SYN3: variants seen among roughly 807,000 people sequenced by gnomAD.
The protein encoded by SYN3 is synapsin-3.
A neutral mutation model predicts 65.8 loss-of-function variants in SYN3; 35 were observed. That is an observed-to-expected ratio of 0.53 (90% confidence interval 0.41 to 0.70). The LOEUF (loss-of-function observed/expected upper bound fraction) is 0.70, where lower values mean the gene tolerates loss of function less well. Among genes scored for constraint, SYN3 ranks in the 30% least tolerant of loss-of-function variants. SYN3 has a pLI of 0.00. For synonymous variants in SYN3, 270 were observed against 292.9 expected (o/e 0.92, Z 0.80); for missense variants, 680 against 749.0 (o/e 0.91, Z 1.08).
chr22:32,710,148 A>G (rs2147242530), intron 6 of SYN3, among the ~76,000 whole-genome samples: 1 of 149,352 alleles, frequency 6.7e-6, no homozygotes, highest in Non-Finnish European at 1.5e-5. Context: ...CTTTTCATAC[A>G]TATTTCCAGA....
chr22:32,768,072 T>C (rs2054245963), intron 6 of SYN3, among the ~76,000 whole-genome samples: 1 of 152,176 alleles, frequency 6.6e-6, no homozygotes, highest in African/African-American at 2.4e-5. Flanking sequence ...CAGTTACTCC[T>C]CTCTCTCCTT....
intron 6 of SYN3, among the ~76,000 whole-genome samples, chr22:32,804,254 A>G (rs1569237165): frequency 1.3e-5 from 2 of 152,314 alleles, no homozygotes; most frequent in South Asian, 4.1e-4. Flanking sequence ...AATGCTTTTA[A>G]AATGGGAGGT....
At chr22:32,532,429 G>A (rs2058091167) in intron 10 of SYN3, among the ~76,000 whole-genome samples, 1 of 152,302 alleles carries the variant, frequency 6.6e-6, no homozygotes, top group South Asian at 2.1e-4. Context: ...GCTCCTCCAA[G>A]TAGGGGCTAC....
At chr22:32,803,287 A>G (rs1051787750) in intron 6 of SYN3, among the ~76,000 whole-genome samples, 14 of 152,042 alleles carry the variant, frequency 9.2e-5, no homozygotes, top group African/African-American at 3.4e-4. Context: ...GAAATTTTCC[A>G]CTGAGTCTTG....
At chr22:32,697,588 T>A (rs1304943269) in intron 6 of SYN3, among the ~76,000 whole-genome samples, 1 of 152,182 alleles carries the variant, frequency 6.6e-6, no homozygotes, top group Admixed American at 6.5e-5. Flanking sequence ...TTGGCTAGGT[T>A]TACAAAAGTA....
At chr22:32,600,575 C>T (rs1423822028) in intron 6 of SYN3, among the ~76,000 whole-genome samples, 5 of 152,216 alleles carry the variant, frequency 3.3e-5, no homozygotes, top group Admixed American at 1.3e-4. Context: ...AGAGTTCCCC[C>T]AAGGGTGAAT....
intron 6 of SYN3, among the ~76,000 whole-genome samples, chr22:32,668,517 C>A (rs1404477232): frequency 1.3e-5 from 2 of 151,886 alleles, no homozygotes; most frequent in Admixed American, 1.3e-4. Flanking sequence ...CCTTTCCTTC[C>A]TTTCTCCTTC....
intron 6 of SYN3, among the ~76,000 whole-genome samples, chr22:32,704,596 T>A (rs1352700087): frequency 6.6e-6 from 1 of 152,216 alleles, no homozygotes; most frequent in African/African-American, 2.4e-5. Flanking sequence ...AATGGGATTG[T>A]GGGGTCAAAT....
intron 7 of SYN3, chr22:32,583,225 T>C (rs961250352): frequency 3.3e-5 from 5 of 152,264 alleles, no homozygotes; most frequent in African/African-American, 1.2e-4. Flanking sequence ...GCATCATCTG[T>C]GGTCTTCCTG....
At chr22:33,027,890 G>C (rs2145883288) in intron 1 of SYN3, among the ~76,000 whole-genome samples, 1 of 152,312 alleles carries the variant, frequency 6.6e-6, no homozygotes, top group East Asian at 1.9e-4. Flanking sequence ...AAAGAGAGGT[G>C]AGTTTTATTG....
intron 7 of SYN3, among the ~76,000 whole-genome samples, chr22:32,585,098 G>A (rs560979020): frequency 6.6e-6 from 1 of 152,302 alleles, no homozygotes; most frequent in East Asian, 1.9e-4. Flanking sequence ...CTATAAAACA[G>A]GGATCAGAAA....
At chr22:32,687,954 C>G (rs1297019669) in intron 6 of SYN3, among the ~76,000 whole-genome samples, 1 of 152,134 alleles carries the variant, frequency 6.6e-6, no homozygotes, top group Non-Finnish European at 1.5e-5. Flanking sequence ...TCACAGCAAT[C>G]GCACAGCCAT....
At chr22:32,940,797 C>T (rs1398153225) in intron 3 of SYN3, among the ~76,000 whole-genome samples, 1 of 152,158 alleles carries the variant, frequency 6.6e-6, no homozygotes, top group South Asian at 2.1e-4. Context: ...GTATAATATT[C>T]TAAGACAGAA....
At chr22:32,750,773 G>A (rs1446098023) in intron 6 of SYN3, among the ~76,000 whole-genome samples, 1 of 152,160 alleles carries the variant, frequency 6.6e-6, no homozygotes, top group East Asian at 1.9e-4. Context: ...TTGATTGGGT[G>A]TGAGGGTGGG....
intron 6 of SYN3, among the ~76,000 whole-genome samples, chr22:32,787,601 G>A (rs2046227193): frequency 6.6e-6 from 1 of 152,204 alleles, no homozygotes; most frequent in African/African-American, 2.4e-5. Context: ...GGATACCGGG[G>A]ACAGAGCAGT....
chr22:32,769,808 C>T (rs556602305), intron 6 of SYN3, among the ~76,000 whole-genome samples: 62 of 152,214 alleles, frequency 4.1e-4, no homozygotes, highest in Non-Finnish European at 8.4e-4. Context: ...TGAGCAACTG[C>T]GCCTGGCCTC....
At chr22:33,017,130 T>C (rs2053480651) in intron 1 of SYN3, among the ~76,000 whole-genome samples, 1 of 152,212 alleles carries the variant, frequency 6.6e-6, no homozygotes, top group Non-Finnish European at 1.5e-5. Context: ...CCTACGGATA[T>C]CCAATTTTCC....
At chr22:32,617,877 C>G (rs987321461) in intron 6 of SYN3, among the ~76,000 whole-genome samples, 9 of 151,760 alleles carry the variant, frequency 5.9e-5, no homozygotes, top group African/African-American at 2.2e-4. Context: ...AGGTGGGCGA[C>G]CTGCCTTCTC....
intron 4 of SYN3, among the ~76,000 whole-genome samples, chr22:32,888,572 T>C (rs899697455): frequency 6.6e-6 from 1 of 152,064 alleles, no homozygotes; most frequent in Non-Finnish European, 1.5e-5. Context: ...TGATGATCAG[T>C]GATGTTTAAC....
Sources: gnomAD v4.1 joint callset for allele counts (sites outside exome capture counted in the v4.1 genomes callset) on GRCh38, gnomAD v4.1.1 for gene constraint, MANE v1.5 for transcripts, NCBI Gene and HGNC (gene_info 2026-07-23, HGNC 2026-07-21) for gene names.